SHISAL2B: variants seen among roughly 807,000 people sequenced by gnomAD.
SHISAL2B encodes the protein shisa like 2B.
SHISAL2B carries 12 observed loss-of-function variants against 16.5 expected under a neutral mutation model. The observed-to-expected ratio is 0.73, with a 90% CI of 0.47 to 1.18. SHISAL2B has a LOEUF of 1.18. Among genes scored for constraint, SHISAL2B ranks in the 50% most tolerant of loss-of-function variants. SHISAL2B has a pLI of 0.00. For synonymous variants in SHISAL2B, 72 were observed against 75.0 expected, an observed-to-expected ratio of 0.96 and a Z score of 0.21; for missense variants, 183 against 193.6, an observed-to-expected ratio of 0.95 and a Z score of 0.33.
In SHISAL2B at chr5:64,717,955, A is replaced by C; in HGVS notation, c.416A>C (p.Tyr139Ser). ...NAASNATNET[Y>S]YEADDIIQEK... The stretch of plus-strand genomic sequence containing the variant: ...GCATCAAATGCAACAAATGAAACAT[A>C]CTATGAAGCTGATGATATAATTCAA... Residue 139 changes from tyrosine to serine, a missense_variant, in exon 3 of 3, where the codon TAC becomes TCC. By Grantham distance (144) the Tyr-to-Ser change is moderately radical. Coordinates refer to ENST00000389074, the MANE Select transcript of SHISAL2B (RefSeq NM_001164442.2). 1 of 1,523,660 alleles carries C rather than the reference A, an allele frequency of 6.6e-7. No individual in the cohort carries two copies. The highest frequency in any genetic ancestry group is 8.7e-7 in the Non-Finnish European group (1 of 1,144,046). The allele number at this position is 1,523,660 out of a possible 1,614,324, so 94.4% of individuals were successfully genotyped here.
chr5:64,718,166 CTT>C lies in SHISAL2B; in HGVS notation c.*146_*147del, dbSNP rs1742088143. 1.7e-6 allele frequency: 1 copy of C among 595,990 alleles called. No homozygotes were observed. Among genetic ancestry groups the C allele is most frequent in the African/African-American group, 1.9e-5 (1 of 51,314 alleles). The allele number at this position is 595,990 out of a possible 1,614,324, so 36.9% of individuals were successfully genotyped here. A position where few individuals can be genotyped will look rare whatever the true frequency, so the allele number is the denominator to read the frequency against. On this transcript the variant is annotated 3_prime_UTR_variant, in exon 3 of 3. Transcript: ENST00000389074. ...AGCTGCATTTTTGATCATTCAGTTACTTTATTAAACGCACATTAAGGTTTTAT... is the reference window on the plus strand; with the variant it reads ...AGCTGCATTTTTGATCATTCAGTTACTATTAAACGCACATTAAGGTTTTAT...
chr5:64,696,588 G>C (rs1434384696), intron 2 of SHISAL2B, among the ~76,000 whole-genome samples: 1 of 152,070 alleles, frequency 6.6e-6, no homozygotes, highest in Non-Finnish European at 1.5e-5. Context: ...ATTCCTGGGG[G>C]GAGGTCTATA....
intron 2 of SHISAL2B, among the ~76,000 whole-genome samples, chr5:64,703,230 G>A (rs1280324354): frequency 1.3e-5 from 2 of 152,066 alleles, no homozygotes; most frequent in African/African-American, 4.8e-5. Context: ...TATGAATTAG[G>A]CTGCCAAATT....
intron 2 of SHISAL2B, among the ~76,000 whole-genome samples, chr5:64,707,872 G>C (rs1170152047): frequency 2.0e-5 from 3 of 152,162 alleles, no homozygotes; most frequent in Non-Finnish European, 4.4e-5. Flanking sequence ...GAACATTTCA[G>C]CTCTCTGAGA....
At chr5:64,716,778 A>G (rs900737730) in intron 2 of SHISAL2B, among the ~76,000 whole-genome samples, 3 of 152,178 alleles carry the variant, frequency 2.0e-5, no homozygotes, top group African/African-American at 7.2e-5. Context: ...GTAGAAAAAA[A>G]TGAAGTCAGA....
intron 1 of SHISAL2B, among the ~76,000 whole-genome samples, chr5:64,692,737 C>A (rs557130192): frequency 1.5e-4 from 23 of 152,284 alleles, no homozygotes; most frequent in African/African-American, 5.3e-4. Flanking sequence ...GCTTGTAAAA[C>A]AACTGCCATA....
intron 2 of SHISAL2B, among the ~76,000 whole-genome samples, chr5:64,697,261 G>A (rs1178802753): frequency 2.6e-5 from 4 of 152,174 alleles, no homozygotes; most frequent in African/African-American, 9.7e-5. Context: ...GGTCAGTTAA[G>A]AATTTATCTG....
intron 2 of SHISAL2B, among the ~76,000 whole-genome samples, chr5:64,696,460 A>G (rs1054225955): frequency 2.0e-5 from 3 of 152,226 alleles, no homozygotes; most frequent in African/African-American, 7.2e-5. Flanking sequence ...TGGGCAGAAT[A>G]GAGCCATATT....
intron 1 of SHISAL2B, among the ~76,000 whole-genome samples, chr5:64,695,239 T>C (rs552138166): frequency 1.4e-5 from 2 of 143,768 alleles, no homozygotes; most frequent in African/African-American, 5.3e-5. Flanking sequence ...CACTCTACCA[T>C]GGGCTTCAGA....
At chr5:64,703,582 T>C (rs1157105373) in intron 2 of SHISAL2B, among the ~76,000 whole-genome samples, 1 of 152,136 alleles carries the variant, frequency 6.6e-6, no homozygotes, top group African/African-American at 2.4e-5. Flanking sequence ...ATAAGCAAAA[T>C]AGAAGCCAGT....
In SHISAL2B at chr5:64,717,914, C is replaced by T. The variant is rs1742080344; in HGVS notation, c.375C>T (p.Ala125=). The part of the protein sequence containing the change: ...QEGKSNGKTK[A]LNSNAASNAT... Reference sequence around the variant, plus strand: ...GCAAGTCAAATGGAAAAACCAAAGCCCTCAATTCAAATGCAGCATCAAATG... The same window carrying T: ...GCAAGTCAAATGGAAAAACCAAAGCTCTCAATTCAAATGCAGCATCAAATG... Residue 125 remains alanine (A), a synonymous_variant, in exon 3 of 3, where the codon GCC becomes GCT. Coordinates refer to ENST00000389074, the MANE Select transcript of SHISAL2B (RefSeq NM_001164442.2). 4 of 1,513,782 alleles carry T rather than the reference C, an allele frequency of 2.6e-6. No individual in the cohort carries two copies. Among genetic ancestry groups the T allele is most frequent in the Non-Finnish European group, 3.5e-6 (4 of 1,141,450 alleles). The allele number at this position is 1,513,782 out of a possible 1,614,324, so 93.8% of individuals were successfully genotyped here.
intron 2 of SHISAL2B, among the ~76,000 whole-genome samples, chr5:64,713,076 G>T (rs1434164966): frequency 6.8e-6 from 1 of 148,010 alleles, no homozygotes; most frequent in Non-Finnish European, 1.5e-5. Context: ...ATTTGATCCT[G>T]TCATTATGAT....
chr5:64,708,591 C>T (rs1228271011), intron 2 of SHISAL2B, among the ~76,000 whole-genome samples: 2 of 152,076 alleles, frequency 1.3e-5, no homozygotes, highest in African/African-American at 4.8e-5. Flanking sequence ...ATCATCTTGA[C>T]AATAAGATAT....
intron 2 of SHISAL2B, among the ~76,000 whole-genome samples, chr5:64,696,661 C>A (rs921274145): frequency 4.6e-5 from 7 of 152,132 alleles, no homozygotes; most frequent in African/African-American, 1.7e-4. Context: ...ACGCCCTGGT[C>A]TCCTGCAGTA....
chr5:64,703,633 T>C (rs1031684561), intron 2 of SHISAL2B, among the ~76,000 whole-genome samples: 12 of 152,198 alleles, frequency 7.9e-5, no homozygotes, highest in Non-Finnish European at 1.5e-4. Context: ...ATATAATATC[T>C]GCTAACTTCC....
chr5:64,701,684 C>T (rs924971693), intron 2 of SHISAL2B, among the ~76,000 whole-genome samples: 2 of 152,066 alleles, frequency 1.3e-5, no homozygotes, highest in Admixed American at 6.6e-5. Context: ...ATTTGATGTT[C>T]TCTTTTGTAA....
At chr5:64,702,489 C>T (rs9291818) in intron 2 of SHISAL2B, among the ~76,000 whole-genome samples, 49,524 of 151,950 alleles carry the variant, frequency 0.33, 8,441 homozygotes, top group East Asian at 0.51. Context: ...CGTGAGCCAC[C>T]GCACCTGGCC....
At chr5:64,699,273 G>A (rs942512271) in intron 2 of SHISAL2B, among the ~76,000 whole-genome samples, 5 of 152,160 alleles carry the variant, frequency 3.3e-5, no homozygotes, top group African/African-American at 1.2e-4. Flanking sequence ...AGGTGATTTT[G>A]GTCTCTTGCA....
At chr5:64,715,629 A>T (rs1174910436) in intron 2 of SHISAL2B, among the ~76,000 whole-genome samples, 1 of 152,188 alleles carries the variant, frequency 6.6e-6, no homozygotes, top group Admixed American at 6.5e-5. Context: ...TCATCAGCCT[A>T]ACCAAGTTTA....
Sources: allele counts gnomAD v4.1 joint callset (sites outside exome capture counted in the v4.1 genomes callset), GRCh38; gene constraint gnomAD v4.1.1; transcripts MANE v1.5; gene names NCBI Gene and HGNC (gene_info 2026-07-23, HGNC 2026-07-21).